Variants in NDC80 observed in about 807,000 individuals in gnomAD.
NDC80 encodes NDC80 kinetochore complex component.
Under a neutral mutation model 89.3 loss-of-function variants are expected in NDC80, and 69 were observed. The observed-to-expected ratio is 0.77, with a 90% CI of 0.64 to 0.94. The LOEUF (loss-of-function observed/expected upper bound fraction) is 0.94, where lower values mean the gene tolerates loss of function less well. Among genes scored for constraint, NDC80 ranks in the 40% least tolerant of loss-of-function variants. The pLI is 0.00. For synonymous variants in NDC80, 243 were observed against 255.6 expected, an observed-to-expected ratio of 0.95 and a Z score of 0.47; for missense variants, 593 against 739.6, an observed-to-expected ratio of 0.80 and a Z score of 2.30.
chr18:2,586,908 G>A (rs12953815), intron 7 of NDC80, among the ~76,000 whole-genome samples: 71,585 of 152,070 alleles, frequency 0.47, 17,251 homozygotes, highest in South Asian at 0.59. Flanking sequence ...ACAAGTTTCC[G>A]ATACTCAGCT....
chr18:2,610,899 G>C, intron 16 of NDC80, 38 bp downstream of exon 16: 1 of 1,282,294 alleles, frequency 7.8e-7, no homozygotes, highest in South Asian at 1.8e-5. Context: ...TCTAAGAAAG[G>C]TTTTTAAAAC....
intron 10 of NDC80, chr18:2,594,887 T>C (rs2072646537): frequency 6.6e-6 from 1 of 152,248 alleles, no homozygotes; most frequent in South Asian, 2.1e-4. Context: ...GTTCCATTTT[T>C]TTCACATTGT....
chr18:2,611,493 A>G lies in NDC80; in HGVS notation c.1791+632A>G, dbSNP rs540883623. ...ATTAGTACATTTGAAAACTTATCGT[A>G]CATTTAGGATTTCATTAAGCTTAAG... On this transcript the variant is annotated intron_variant, in intron 16 of 16. Transcript: ENST00000261597. Among the ~76,000 whole-genome samples, 23 of 152,334 alleles carry G rather than the reference A, an allele frequency of 1.5e-4. No individual in the cohort carries two copies. The South Asian group carries it at 4.6e-3, about 30-fold the overall frequency.
intron 2 of NDC80, 40 bp downstream of exon 2, chr18:2,573,126 C>T (rs755450285): frequency 6.9e-7 from 1 of 1,458,456 alleles, no homozygotes; most frequent in African/African-American, 1.4e-5. Context: ...CATGCTTTAT[C>T]ATCTTAGGCA....
At chr18:2,604,978 A>G (rs1273412306) in intron 13 of NDC80, among the ~76,000 whole-genome samples, 1 of 152,200 alleles carries the variant, frequency 6.6e-6, no homozygotes, top group Non-Finnish European at 1.5e-5. Flanking sequence ...TGAATAGTAA[A>G]TGGTAGGGAC....
chr18:2,608,656 A>G (rs780497021), intron 14 of NDC80, 44 bp from the exon 15 acceptor site: 2 of 1,575,800 alleles, frequency 1.3e-6, no homozygotes, highest in Admixed American at 1.7e-5. Flanking sequence ...AGTATACAGA[A>G]TGTGAATATC....
chr18:2,604,604 C>G (rs554593001), intron 13 of NDC80, among the ~76,000 whole-genome samples: 2 of 152,148 alleles, frequency 1.3e-5, no homozygotes, highest in Non-Finnish European at 2.9e-5. Context: ...TTGCTTGAGC[C>G]CTGGAGGTGG....
Position 2,578,135 on chromosome 18 carries a change from A to G in NDC80, c.470A>G (p.Asp157Gly). Residue 157 changes from aspartate to glycine, a missense_variant, in exon 5 of 17, where the codon GAC (aspartate) becomes GGC (glycine). Asp to Gly is a moderately conservative substitution (Grantham distance 94). Coordinates refer to ENST00000261597, the MANE Select transcript of NDC80 (RefSeq NM_006101.3). Reference sequence around the variant, plus strand: ...GAAGAGGTTCCAAGAATCTTTAAAGACCTTGGGTATGTATATTTCTTATTA... The same window carrying G: ...GAAGAGGTTCCAAGAATCTTTAAAGGCCTTGGGTATGTATATTTCTTATTA... ...FEEEVPRIFK[D>G]LGYPFALSKS... 2 of 1,613,264 alleles carry G rather than the reference A, an allele frequency of 1.2e-6. No homozygotes were observed. Among genetic ancestry groups the G allele is most frequent in the Non-Finnish European group, 1.7e-6 (2 of 1,179,592 alleles).
At chr18:2,605,857 GA>G (rs1373758271) in intron 13 of NDC80, among the ~76,000 whole-genome samples, 1 of 152,024 alleles carries the variant, frequency 6.6e-6, no homozygotes, top group Non-Finnish European at 1.5e-5. Flanking sequence ...AACAGGAAAT[GA>G]ACTTGAAAAA....
chr18:2,614,633 G>GAAAGAAAGA (rs1276183244), intron 16 of NDC80, among the ~76,000 whole-genome samples: 1 of 75,190 alleles, frequency 1.3e-5, no homozygotes, highest in Non-Finnish European at 2.5e-5. Flanking sequence ...AAGAAAGAAA[G>GAAAGAAAGA]AAAGAAAGAA....
At position 2,616,574 on chromosome 18, in the gene NDC80, A is replaced by AAGAT; in HGVS notation, c.*2_*5dup. The AAGAT allele has an allele frequency of 7.2e-7, 1 of 1,382,808 alleles. No individual in the cohort carries two copies. Among genetic ancestry groups the AAGAT allele is most frequent in the Non-Finnish European group, 9.8e-7 (1 of 1,021,700 alleles). 85.7% of individuals were successfully genotyped at this position (1,382,808 alleles called of 1,614,324 possible). A position where few individuals can be genotyped will look rare whatever the true frequency, so the allele number is the denominator to read the frequency against. ...CTCTAATTAAGTCTTCTGAAGAATG[A>AAGAT]AGATAAAATGTTGATCATGTATATA... is the stretch of plus-strand genomic sequence containing the variant. On this transcript the variant is annotated 3_prime_UTR_variant, in exon 17 of 17. Coordinates refer to ENST00000261597, the MANE Select transcript of NDC80 (RefSeq NM_006101.3).
At position 2,614,445 on chromosome 18, in the gene NDC80, AAG is replaced by A. The variant is rs1285169537; in HGVS notation, c.1792-1990_1792-1989del. The A allele has an allele frequency of 3.6e-3, 18 of 5,060 alleles. 1 individual carries two copies. The highest frequency in any genetic ancestry group is 0.016 in the African/African-American group (11 of 670). The allele number at this position is 5,060 out of a possible 1,614,324, so 0.3% of individuals were successfully genotyped here. On this transcript the variant is annotated intron_variant, in intron 16 of 16. Coordinates refer to ENST00000261597, the MANE Select transcript of NDC80 (RefSeq NM_006101.3). Reference sequence around the variant, plus strand: ...AGCAAGATGCTGTCTCAAAAAAAGAAAGAAAGAAAGAAAGAAAGAAAGAAAGA... The same window carrying A: ...AGCAAGATGCTGTCTCAAAAAAAGAAAAAGAAAGAAAGAAAGAAAGAAAGA...
Position 2,611,198 on chromosome 18 carries a change from G to A in NDC80, c.1791+337G>A, listed in dbSNP as rs558654850. ...CAAGTACCTGGGATTACAGGAGCCT[G>A]CCACCACGCCCAGCTAATTTTTGTA... On this transcript the variant is annotated intron_variant, in intron 16 of 16. Coordinates refer to ENST00000261597, the MANE Select transcript of NDC80 (RefSeq NM_006101.3). 4.6e-5 allele frequency among the ~76,000 whole-genome samples: 7 copies of A among 152,066 alleles called. No homozygotes were observed. In the South Asian group the frequency reaches 1.5e-3, roughly 32 times the overall value.
chr18:2,588,412 CT>C (rs79990238), intron 8 of NDC80, among the ~76,000 whole-genome samples: 303 of 142,790 alleles, frequency 2.1e-3, no homozygotes, highest in Middle Eastern at 3.6e-3. Flanking sequence ...TAAGGAAAAT[CT>C]TTTTTTTTTT....
chr18:2,578,838 A>AT, intron 5 of NDC80, 89 bp from the exon 6 acceptor site: 1 of 749,936 alleles, frequency 1.3e-6, no homozygotes, highest in African/African-American at 1.8e-5. Context: ...TGTATGTGGA[A>AT]TTTTTTAAAT....
chr18:2,587,997 A>G (rs1211062045), intron 8 of NDC80, 74 bp downstream of exon 8: 3 of 1,161,110 alleles, frequency 2.6e-6, no homozygotes, highest in Non-Finnish European at 3.8e-6. Context: ...TTTATTTACC[A>G]TATCCAGTGT....
chr18:2,575,163 G>T, intron 3 of NDC80, 97 bp downstream of exon 3: 1 of 869,286 alleles, frequency 1.2e-6, no homozygotes, highest in Non-Finnish European at 1.8e-6. Context: ...GGTTCCTTTC[G>T]AGAGAAAAGT....
At chr18:2,612,407 G>A (rs1029535050) in intron 16 of NDC80, among the ~76,000 whole-genome samples, 1 of 142,066 alleles carries the variant, frequency 7.0e-6, no homozygotes, top group African/African-American at 2.6e-5. Context: ...TCCTGCCTCA[G>A]CCTCCCAAGT....
intron 2 of NDC80, among the ~76,000 whole-genome samples, chr18:2,573,867 C>T (rs999516866): frequency 2.4e-4 from 36 of 151,916 alleles, no homozygotes; most frequent in African/African-American, 8.5e-4. Flanking sequence ...AAAAGGTCAC[C>T]ATTGTCAATG....
Sources: allele counts gnomAD v4.1 joint callset (sites outside exome capture counted in the v4.1 genomes callset), GRCh38; gene constraint gnomAD v4.1.1; transcripts MANE v1.5; gene names NCBI Gene and HGNC (gene_info 2026-07-23, HGNC 2026-07-21).